MYC: variants seen among roughly 807,000 people sequenced by gnomAD.
The protein encoded by MYC is MYC proto-oncogene, bHLH transcription factor, also known as myc proto-oncogene protein.
In MYC, 1 loss-of-function variant was observed where a neutral mutation model predicts 30.5. That is an observed-to-expected ratio of 0.03 (90% confidence interval 0.01 to 0.16). The LOEUF (loss-of-function observed/expected upper bound fraction) is 0.16. MYC is among the 10% of genes least tolerant of loss of function. MYC has a pLI of 1.00. For missense variants in MYC, 508 were observed against 589.0 expected (o/e 0.86, Z 1.42); for synonymous variants, 267 against 250.7 (o/e 1.07, Z -0.62).
At chr8:127,735,502 A>G, upstream of MYC, 1 of 399,352 alleles carries the variant, frequency 2.5e-6, no homozygotes, top group Non-Finnish European at 4.4e-6. Context: ...TAATCATTCT[A>G]GGCATCGTTT....
chr8:127,738,234 G>T lies in MYC; in HGVS notation c.31-14G>T. Reference sequence around the variant, plus strand: ...AACTCAAGACTGCCTCCCGCTTTGTGTGCCCCGCTCCAGCAGCCTCCCGCG... The same window carrying T: ...AACTCAAGACTGCCTCCCGCTTTGTTTGCCCCGCTCCAGCAGCCTCCCGCG... On this transcript the variant is annotated splice_polypyrimidine_tract_variant and intron_variant, in intron 1 of 2. Coordinates refer to ENST00000621592, the MANE Select transcript of MYC (RefSeq NM_002467.6). This position sits in a 1 kb window ranked among gnomAD's most constrained non-coding sequence, Gnocchi z 7.6. 1 of 1,564,936 alleles carries T rather than the reference G, an allele frequency of 6.4e-7. No individual in the cohort carries two copies. Among genetic ancestry groups the T allele is most frequent in the Non-Finnish European group, 8.7e-7 (1 of 1,153,098 alleles).
At position 127,738,358 on chromosome 8, in the gene MYC, C is replaced by CCAG. The variant is rs745729043; in HGVS notation, c.154_156dup (p.Gln52dup). On this transcript the variant is annotated inframe_insertion, in exon 2 of 3. Transcript: ENST00000621592. This position sits in a 1 kb window ranked among gnomAD's most constrained non-coding sequence, Gnocchi z 7.6. Reference sequence around the variant, plus strand: ...ACTGCGACGAGGAGGAGAACTTCTACCAGCAGCAGCAGCAGAGCGAGCTGC... The same window carrying CCAG: ...ACTGCGACGAGGAGGAGAACTTCTACCAGCAGCAGCAGCAGCAGAGCGAGCTGC... The CCAG allele has an allele frequency of 5.6e-5, 91 of 1,613,526 alleles. No homozygotes were observed. The highest frequency in any genetic ancestry group is 7.6e-5 in the Non-Finnish European group (90 of 1,179,674).
rs1467414589 is a variant in MYC at position 127,742,124 on chromosome 8, T to C, written c.*1166T>C. Among the ~76,000 whole-genome samples the C allele has an allele frequency of 6.6e-6, 1 of 152,246 alleles. No individual in the cohort carries two copies. Among genetic ancestry groups the C allele is most frequent in the Non-Finnish European group, 1.5e-5 (1 of 68,044 alleles). On this transcript the variant is annotated 3_prime_UTR_variant, in exon 3 of 3. Transcript: ENST00000621592. ...GCTGAGATCAAGAAGGTTTAGGACC[T>C]AATGGACAGACTCAAGTCATAACAA...
At chr8:127,737,439 G>A (rs1813612421) in intron 1 of MYC, among the ~76,000 whole-genome samples, 1 of 152,206 alleles carries the variant, frequency 6.6e-6, no homozygotes, top group Admixed American at 6.5e-5. Context: ...GCGAGGAGCG[G>A]GGCTCTGGGC....
Position 127,738,174 on chromosome 8 carries a change from C to T in MYC, c.31-74C>T, listed in dbSNP as rs1813638074. On this transcript the variant is annotated intron_variant, in intron 1 of 2. Transcript: ENST00000621592. The surrounding 1 kb of genome is among the most constrained non-coding windows in gnomAD (Gnocchi z 7.6). ...AGGTTCGGGACTGTGGCGCGCACTGCGCGCTGCGCCAGGTTTCCGCACCAA... is the reference window on the plus strand; with the variant it reads ...AGGTTCGGGACTGTGGCGCGCACTGTGCGCTGCGCCAGGTTTCCGCACCAA... 1 of 1,499,802 alleles carries T rather than the reference C, an allele frequency of 6.7e-7. No homozygotes were observed. 92.9% of individuals were successfully genotyped at this position (1,499,802 alleles called of 1,614,324 possible).
In MYC at chr8:127,742,397, C is replaced by G. The variant is rs1813726017; in HGVS notation, c.*1439C>G. 6.6e-6 allele frequency among the ~76,000 whole-genome samples: 1 copy of G among 152,232 alleles called. No homozygotes were observed. The highest frequency in any genetic ancestry group is 1.5e-5 in the Non-Finnish European group (1 of 68,044). Reference sequence around the variant, plus strand: ...GACGACGGTAGGAATCAGCTGGCTGCTTGTGAGTACAGGAGTTACAGTCCA... The same window carrying G: ...GACGACGGTAGGAATCAGCTGGCTGGTTGTGAGTACAGGAGTTACAGTCCA... On this transcript the variant is annotated 3_prime_UTR_variant, in exon 3 of 3. Coordinates refer to ENST00000621592, the MANE Select transcript of MYC (RefSeq NM_002467.6).
At position 127,740,649 on chromosome 8, in the gene MYC, C is replaced by A. The variant is rs2130104768; in HGVS notation, c.1056C>A (p.Ser352Arg). 2.5e-6 allele frequency: 4 copies of A among 1,614,038 alleles called. No homozygotes were observed. The highest frequency in any genetic ancestry group is 2.5e-6 in the Non-Finnish European group (3 of 1,180,014). The change falls in exon 3 of 3, where the codon AGC (serine) becomes AGA (arginine). Residue 352 changes from serine (S) to arginine (R), a missense_variant. Transcript: ENST00000621592. ...GTGTCAGAGTCCTGAGACAGATCAGCAACAACCGAAAATGCACCAGCCCCA... is the reference window on the plus strand; with the variant it reads ...GTGTCAGAGTCCTGAGACAGATCAGAAACAACCGAAAATGCACCAGCCCCA...
rs1241325837 is a variant in MYC at position 127,740,505 on chromosome 8, ACCT to A, written c.917_919del (p.Pro306del). 1.2e-6 allele frequency: 2 copies of A among 1,613,730 alleles called. No homozygotes were observed. The highest frequency in any genetic ancestry group is 1.7e-6 in the Non-Finnish European group (2 of 1,179,948). On this transcript the variant is annotated inframe_deletion, in exon 3 of 3. Coordinates refer to ENST00000621592, the MANE Select transcript of MYC (RefSeq NM_002467.6). ...CACCTTCTGCTGGAGGCCACAGCAA[ACCT>A]CCTCACAGCCCACTGGTCCTCAAGA...
At chr8:127,737,975 G>T (rs1287659201) in intron 1 of MYC, among the ~76,000 whole-genome samples, 2 of 152,222 alleles carry the variant, frequency 1.3e-5, no homozygotes, top group Non-Finnish European at 2.9e-5. Context: ...CCGACTCCCG[G>T]GCTTTGCGCT....
In MYC at chr8:127,742,852, T is replaced by G. The variant is rs1813734638; in HGVS notation, c.*1894T>G. ...TGAAGGATGCTATTGCTGTTCTAAT[T>G]ACCTCATTGTCTCAGTCTCAAAGTA... On this transcript the variant is annotated 3_prime_UTR_variant, in exon 3 of 3. Transcript: ENST00000621592. 6.6e-6 allele frequency among the ~76,000 whole-genome samples: 1 copy of G among 152,252 alleles called. No homozygotes were observed. The highest frequency in any genetic ancestry group is 1.5e-5 in the Non-Finnish European group (1 of 68,038).
intron 2 of MYC, 103 bp from the exon 3 acceptor site, chr8:127,740,293 T>C (rs1586590397): frequency 8.0e-7 from 1 of 1,242,810 alleles, no homozygotes; most frequent in East Asian, 2.5e-5. Flanking sequence ...TCCAGAGACC[T>C]TTCTAACGTA....
intron 1 of MYC, 140 bp downstream of exon 1, chr8:127,736,763 G>A (rs1813598593): frequency 1.0e-6 from 1 of 968,604 alleles, no homozygotes; most frequent in Admixed American, 2.1e-5. Context: ...TGGTAACTGG[G>A]GCTGGGGTGG....
chr8:127,736,175 A>G (rs989259820), upstream of MYC: 37 of 459,056 alleles, frequency 8.1e-5, no homozygotes, highest in Non-Finnish European at 1.3e-4. Flanking sequence ...TGGCGGGAAA[A>G]AGAACGGAGG....
At chr8:127,739,317 C>G (rs4645963) in intron 2 of MYC, among the ~76,000 whole-genome samples, 1 of 152,210 alleles carries the variant, frequency 6.6e-6, no homozygotes. Context: ...TCTTACCTCC[C>G]GTTAACATTT....
chr8:127,738,221 C>T lies in MYC; in HGVS notation c.31-27C>T, dbSNP rs2130091785. The T allele has an allele frequency of 1.3e-6, 2 of 1,553,208 alleles. No homozygotes were observed. Among genetic ancestry groups the T allele is most frequent in the Non-Finnish European group, 1.7e-6 (2 of 1,147,946 alleles). ...CCAAGACCCCTTTAACTCAAGACTG[C>T]CTCCCGCTTTGTGTGCCCCGCTCCA... On this transcript the variant is annotated intron_variant, in intron 1 of 2. Coordinates refer to ENST00000621592, the MANE Select transcript of MYC (RefSeq NM_002467.6). The surrounding 1 kb of genome is among the most constrained non-coding windows in gnomAD (Gnocchi z 7.6).
rs776922536 is a variant in MYC at position 127,738,106 on chromosome 8, C to A, written c.31-142C>A. 9.8e-7 allele frequency: 1 copy of A among 1,016,384 alleles called. No homozygotes were observed. The highest frequency in any genetic ancestry group is 1.4e-6 in the Non-Finnish European group (1 of 713,186). 63.0% of individuals were successfully genotyped at this position (1,016,384 alleles called of 1,614,324 possible). The stretch of plus-strand genomic sequence containing the variant: ...AAGGGTGCTCCCTTTATTCCCCCAC[C>A]AAGACCACCCAGCCGCTTTAGGGGA... On this transcript the variant is annotated intron_variant, in intron 1 of 2. Coordinates refer to ENST00000621592, the MANE Select transcript of MYC (RefSeq NM_002467.6). This position sits in a 1 kb window ranked among gnomAD's most constrained non-coding sequence, Gnocchi z 7.6.
In MYC at chr8:127,740,687, C is replaced by G; in HGVS notation, c.1094C>G (p.Thr365Ser). The G allele has an allele frequency of 6.2e-7, 1 of 1,614,036 alleles. No homozygotes were observed. The stretch of plus-strand genomic sequence containing the variant: ...TGCACCAGCCCCAGGTCCTCGGACA[C>G]CGAGGAGAATGTCAAGAGGCGAACA... Residue 365 changes from threonine (T) to serine (S), a missense_variant, in exon 3 of 3, where the codon ACC becomes AGC. Physicochemically the swap from Thr to Ser is moderately conservative, Grantham distance 58. This residue lies in a region of MYC where 364 missense variants were observed against 381.1 expected (regional missense o/e 0.96). Coordinates refer to ENST00000621592, the MANE Select transcript of MYC (RefSeq NM_002467.6).
chr8:127,739,964 T>G (rs967373166), intron 2 of MYC, among the ~76,000 whole-genome samples: 1 of 148,000 alleles, frequency 6.8e-6, no homozygotes, highest in Non-Finnish European at 1.5e-5. Flanking sequence ...GCTAGATTGG[T>G]TCTTTTTTTT....
In MYC at chr8:127,736,335, G is replaced by A. The variant is rs1813588253; in HGVS notation, c.-259G>A. 8.4e-6 allele frequency: 5 copies of A among 591,972 alleles called. No homozygotes were observed. The highest frequency in any genetic ancestry group is 1.2e-5 in the Non-Finnish European group (4 of 333,550). 36.7% of individuals were successfully genotyped at this position (591,972 alleles called of 1,614,324 possible). A position where few individuals can be genotyped will look rare whatever the true frequency, so the allele number is the denominator to read the frequency against. ...GCTGCGCTGCGGGCGTCCTGGGAAG[G>A]GAGATCCGGAGCGAATAGGGGGCTT... On this transcript the variant is annotated 5_prime_UTR_variant, in exon 1 of 3. Transcript: ENST00000621592.
Sources: gnomAD v4.1 joint callset for allele counts (sites outside exome capture counted in the v4.1 genomes callset) on GRCh38, gnomAD v4.1.1 for gene constraint, gnomAD v4.1.1 regional missense constraint, Gnocchi (gnomAD v3.1) non-coding constraint, MANE v1.5 for transcripts, NCBI Gene and HGNC (gene_info 2026-07-23, HGNC 2026-07-21) for gene names.